The following SMOC1 variants were observed in gnomAD, a reference collection of about 807,000 sequenced individuals.
The protein encoded by SMOC1 is SPARC-related modular calcium-binding protein 1.
SMOC1 carries 22 observed loss-of-function variants against 56.3 expected under a neutral mutation model. That is an observed-to-expected ratio of 0.39 (90% CI 0.28 to 0.56). The LOEUF is 0.56. Ranked by LOEUF, SMOC1 falls within the 20% of genes least tolerant of loss-of-function variation. The probability of loss-of-function intolerance (pLI) is 0.61; values close to 1 mark genes in which losing one functional copy is unlikely to be tolerated. For missense variants in SMOC1, 509 were observed against 565.4 expected (o/e 0.90, Z 1.01); for synonymous variants, 193 against 215.0 (o/e 0.90, Z 0.89).
At chr14:69,987,178 C>T (rs958951442) in intron 5 of SMOC1, among the ~76,000 whole-genome samples, 20 of 152,182 alleles carry the variant, frequency 1.3e-4, no homozygotes, top group Admixed American at 4.6e-4. Flanking sequence ...CAAGAACCTT[C>T]GAGCACTTCT....
chr14:69,962,308 G>A (rs901409400), intron 3 of SMOC1, among the ~76,000 whole-genome samples: 27 of 152,044 alleles, frequency 1.8e-4, no homozygotes, highest in East Asian at 5.8e-4. Flanking sequence ...GATTATAAGC[G>A]CGTGCCACCA....
intron 1 of SMOC1, among the ~76,000 whole-genome samples, chr14:69,892,998 C>T (rs889236979): frequency 6.6e-6 from 1 of 152,208 alleles, no homozygotes; most frequent in Non-Finnish European, 1.5e-5. Context: ...AGTTTCTCCT[C>T]TACCTCTTTT....
intron 5 of SMOC1, among the ~76,000 whole-genome samples, chr14:69,984,268 T>C (rs999145664): frequency 4.6e-5 from 7 of 152,196 alleles, no homozygotes; most frequent in Admixed American, 6.5e-5. Flanking sequence ...AGACCTGATA[T>C]GAAAATGAAT....
At chr14:70,019,510 C>T (rs1180036842) in intron 10 of SMOC1, among the ~76,000 whole-genome samples, 1 of 152,216 alleles carries the variant, frequency 6.6e-6, no homozygotes, top group African/African-American at 2.4e-5. Flanking sequence ...GGTCCCCAGC[C>T]TTTGCCTGAT....
intron 1 of SMOC1, among the ~76,000 whole-genome samples, chr14:69,921,538 G>A (rs1032211127): frequency 1.3e-5 from 2 of 152,130 alleles, no homozygotes; most frequent in African/African-American, 2.4e-5. Flanking sequence ...GAGTCCTGGG[G>A]CTCTGGGTCC....
At chr14:69,968,150 C>G (rs1035800512) in intron 3 of SMOC1, among the ~76,000 whole-genome samples, 2 of 152,212 alleles carry the variant, frequency 1.3e-5, no homozygotes, top group African/African-American at 4.8e-5. Flanking sequence ...ACGTAGAAAA[C>G]TACTTGTTTC....
intron 1 of SMOC1, 138 bp downstream of exon 1, chr14:69,879,915 G>A (rs1352904327): frequency 6.8e-6 from 5 of 736,440 alleles, no homozygotes; most frequent in Admixed American, 3.6e-5. Context: ...TCCCCTGCGG[G>A]CTTGGTGAAG....
intron 1 of SMOC1, among the ~76,000 whole-genome samples, chr14:69,948,366 C>T (rs1882869040): frequency 6.6e-6 from 1 of 152,208 alleles, no homozygotes; most frequent in Non-Finnish European, 1.5e-5. Context: ...CCAGTAATTT[C>T]TAGACAGGAA....
At chr14:69,967,598 G>A (rs1432535339) in intron 3 of SMOC1, among the ~76,000 whole-genome samples, 1 of 152,176 alleles carries the variant, frequency 6.6e-6, no homozygotes, top group Non-Finnish European at 1.5e-5. Flanking sequence ...GCAAAAGGTA[G>A]GGGAAAAGGA....
At chr14:69,962,766 G>A (rs1158224686) in intron 3 of SMOC1, among the ~76,000 whole-genome samples, 5 of 151,508 alleles carry the variant, frequency 3.3e-5, no homozygotes, top group Non-Finnish European at 5.9e-5. Flanking sequence ...TTGTAGAGAC[G>A]ATGTTTTGTC....
intron 3 of SMOC1, 26 bp downstream of exon 3, chr14:69,953,558 G>A (rs1343536386): frequency 3.8e-6 from 6 of 1,596,108 alleles, no homozygotes; most frequent in Non-Finnish European, 5.2e-6. Context: ...ATCCTCTTGG[G>A]CTCTTTCCTG....
chr14:70,015,575 G>T (rs980986693), intron 10 of SMOC1, among the ~76,000 whole-genome samples: 1 of 152,170 alleles, frequency 6.6e-6, no homozygotes, highest in African/African-American at 2.4e-5. Context: ...GAGCTCTGAG[G>T]CTGGTTTCTG....
chr14:69,992,500 T>C, intron 6 of SMOC1, 27 bp downstream of exon 6: 1 of 1,531,022 alleles, frequency 6.5e-7, no homozygotes, highest in Non-Finnish European at 9.1e-7. Flanking sequence ...CTTCTGATGT[T>C]CATTCTCCCA....
At chr14:69,881,218 T>C (rs1027254901) in intron 1 of SMOC1, among the ~76,000 whole-genome samples, 1 of 152,136 alleles carries the variant, frequency 6.6e-6, no homozygotes, top group African/African-American at 2.4e-5. Flanking sequence ...TGGTTTGATA[T>C]TAGGACTCAG....
chr14:69,960,218 A>G (rs1259978125), intron 3 of SMOC1, among the ~76,000 whole-genome samples: 2 of 152,210 alleles, frequency 1.3e-5, no homozygotes, highest in Non-Finnish European at 1.5e-5. Context: ...ATAGGAGTTC[A>G]GGGGCCAAGG....
rs184220364 is a variant in SMOC1, at chr14:69,995,119, A to G, written c.664+639A>G. On this transcript the variant is annotated intron_variant, in intron 7 of 11. Coordinates refer to ENST00000361956, the MANE Select transcript of SMOC1 (RefSeq NM_001034852.3). ...CTCTATCAAGGAGGATCATCTTTTC[A>G]ACCGAAGACTTCATTATGCGAAATA... is the stretch of plus-strand genomic sequence containing the variant. Among the ~76,000 whole-genome samples, 176 of 152,342 alleles carry G rather than the reference A, an allele frequency of 1.2e-3. 4 individuals carry two copies. Among genetic ancestry groups the G allele is most frequent in the Admixed American group, 0.012 (176 of 15,304 alleles).
At chr14:70,011,675 A>G (rs973669808) in intron 9 of SMOC1, 108 bp downstream of exon 9, 3 of 1,079,234 alleles carry the variant, frequency 2.8e-6, no homozygotes, top group Non-Finnish European at 4.2e-6. Flanking sequence ...CATGTGTAAG[A>G]TGGAGCCAGG....
Position 69,902,963 on chromosome 14 carries a change from C to A in SMOC1, c.99+23186C>A, listed in dbSNP as rs191122075. 6.3e-3 allele frequency among the ~76,000 whole-genome samples: 954 copies of A among 152,220 alleles called. 5 individuals are homozygous for A. Among genetic ancestry groups the A allele is most frequent in the African/African-American group, 0.019 (795 of 41,516 alleles). The stretch of plus-strand genomic sequence containing the variant: ...GGAGTGCAGTGGCGTGATCTCGGCT[C>A]GCTGCAACCTCCACCTCCCAGCCGC... On this transcript the variant is annotated intron_variant, in intron 1 of 11. Transcript: ENST00000361956.
At chr14:69,992,378 TG>T (rs1345736844) in intron 5 of SMOC1, 38 bp from the exon 6 acceptor site, 1 of 1,610,692 alleles carries the variant, frequency 6.2e-7, no homozygotes, top group African/African-American at 1.3e-5. Context: ...ACCTCAATAA[TG>T]GTAGTCTCCT....
Sources: allele counts gnomAD v4.1 joint callset (sites outside exome capture counted in the v4.1 genomes callset), GRCh38; gene constraint gnomAD v4.1.1; transcripts MANE v1.5; gene names NCBI Gene and HGNC (gene_info 2026-07-23, HGNC 2026-07-21).